Variants in MRTFB observed in about 807,000 individuals in gnomAD.
MRTFB encodes myocardin related transcription factor B.
In MRTFB, 29 loss-of-function variants were observed where a neutral mutation model predicts 104.2. The ratio of observed to expected loss-of-function variants is 0.28; its 90% CI spans 0.21 to 0.38. The LOEUF (loss-of-function observed/expected upper bound fraction) is 0.38, where lower values mean the gene tolerates loss of function less well. Ranked by LOEUF, MRTFB falls within the 10% of genes least tolerant of loss-of-function variation. MRTFB has a pLI of 1.00. For synonymous variants in MRTFB, 535 were observed against 519.5 expected (o/e 1.03, Z -0.41); for missense variants, 1,270 against 1,341.6 (o/e 0.95, Z 0.83).
chr16:14,035,969 C>T, the MRTFB span, among the ~76,000 whole-genome samples: 3 of 151,014 alleles, frequency 2.0e-5, no homozygotes, highest in Non-Finnish European at 2.9e-5. Context: ...TGAGTGAGAA[C>T]ATGCAATGTT....
At chr16:14,145,709 A>C in intron 3 of MRTFB, among the ~76,000 whole-genome samples, 1 of 152,256 alleles carries the variant, frequency 6.6e-6, no homozygotes, top group East Asian at 1.9e-4. Context: ...ACCTTTACTA[A>C]AACAATGCAT....
chr16:14,091,300 C>A (rs2035051188), intron 2 of MRTFB, among the ~76,000 whole-genome samples: 1 of 152,116 alleles, frequency 6.6e-6, no homozygotes, highest in Non-Finnish European at 1.5e-5. Context: ...CTCAAACTAT[C>A]TTAAGTTAAA....
intron 3 of MRTFB, among the ~76,000 whole-genome samples, chr16:14,148,177 G>A (rs1597075120): frequency 2.6e-5 from 4 of 152,262 alleles, no homozygotes; most frequent in Non-Finnish European, 5.9e-5. Context: ...AGTTAAATAA[G>A]TATGACTCAG....
chr16:14,079,586 T>C (rs1320940856), intron 2 of MRTFB, among the ~76,000 whole-genome samples: 2 of 152,190 alleles, frequency 1.3e-5, no homozygotes, highest in Non-Finnish European at 2.9e-5. Context: ...TGTTTTCTGA[T>C]GGTTTTAAAG....
chr16:14,072,927 A>G (rs547970142), intron 1 of MRTFB, among the ~76,000 whole-genome samples: 2 of 152,352 alleles, frequency 1.3e-5, no homozygotes, highest in Non-Finnish European at 2.9e-5. Flanking sequence ...TGGCTTCCTA[A>G]CAATTACCAT....
upstream of MRTFB, among the ~76,000 whole-genome samples, chr16:14,068,648 G>A (rs77868333): frequency 0.031 from 4,727 of 152,172 alleles, 233 homozygotes; most frequent in African/African-American, 0.098. Context: ...TATGTTCCTG[G>A]TTTTCTCATC....
At chr16:14,074,114 ATTAG>A (rs989504699) in intron 1 of MRTFB, among the ~76,000 whole-genome samples, 7 of 151,998 alleles carry the variant, frequency 4.6e-5, no homozygotes, top group African/African-American at 1.7e-4. Flanking sequence ...GGTGTTTATT[ATTAG>A]TTGCGTGTTA....
intron 3 of MRTFB, among the ~76,000 whole-genome samples, chr16:14,174,290 G>C (rs187909692): frequency 2.0e-5 from 3 of 152,236 alleles, no homozygotes; most frequent in Admixed American, 2.0e-4. Context: ...CATTGTATCT[G>C]TTGTCCTTTT....
chr16:13,994,887 T>A, the MRTFB span, among the ~76,000 whole-genome samples: 1 of 152,218 alleles, frequency 6.6e-6, no homozygotes, highest in Admixed American at 6.5e-5. Context: ...TCCTTCTGGT[T>A]CTGGAAGGGA....
chr16:14,216,676 G>T (rs899410331), intron 6 of MRTFB, among the ~76,000 whole-genome samples: 3 of 151,700 alleles, frequency 2.0e-5, no homozygotes, highest in Non-Finnish European at 4.4e-5. Flanking sequence ...TCTTCCCATT[G>T]ACCTCTGCAG....
the MRTFB span, among the ~76,000 whole-genome samples, chr16:14,016,399 T>C: frequency 9.2e-5 from 14 of 151,452 alleles, no homozygotes; most frequent in Non-Finnish European, 2.9e-5. Context: ...CCCACTCAAT[T>C]CTCCAAGGCA....
At chr16:14,232,478 C>T (rs185412999) in intron 8 of MRTFB, among the ~76,000 whole-genome samples, 1 of 152,348 alleles carries the variant, frequency 6.6e-6, no homozygotes, top group African/African-American at 2.4e-5. Context: ...TCTGCTGGAA[C>T]ACAGGTGTCC....
At chr16:14,120,816 G>T (rs2036808649) in intron 2 of MRTFB, among the ~76,000 whole-genome samples, 1 of 152,140 alleles carries the variant, frequency 6.6e-6, no homozygotes, top group Non-Finnish European at 1.5e-5. Flanking sequence ...ACTTGATTTT[G>T]TGGAGGGCTT....
chr16:14,180,847 G>C (rs990174496), intron 3 of MRTFB, among the ~76,000 whole-genome samples: 1 of 152,170 alleles, frequency 6.6e-6, no homozygotes. Context: ...GTTCCAGGGT[G>C]GGGGACAACA....
At chr16:14,234,969 G>T (rs1296015696) in intron 9 of MRTFB, among the ~76,000 whole-genome samples, 1 of 152,128 alleles carries the variant, frequency 6.6e-6, no homozygotes, top group Non-Finnish European at 1.5e-5. Flanking sequence ...GGTGAATATA[G>T]ATCTCAAACT....
chr16:14,214,705 G>A (rs936250818), intron 6 of MRTFB, among the ~76,000 whole-genome samples: 1 of 152,172 alleles, frequency 6.6e-6, no homozygotes, highest in African/African-American at 2.4e-5. Flanking sequence ...TACAGATTGT[G>A]AGAAGAGCTC....
In MRTFB at chr16:14,249,067, C is replaced by T; in HGVS notation, c.2389C>T (p.Gln797Ter). 6.2e-7 allele frequency: 1 copy of T among 1,613,934 alleles called. No individual in the cohort carries two copies. The highest frequency in any genetic ancestry group is 8.5e-7 in the Non-Finnish European group (1 of 1,179,946). Residue 797 changes from glutamine to a stop codon, truncating the protein, a stop_gained, in exon 13 of 17, where the codon CAA becomes TAA. Coordinates refer to ENST00000571589, the MANE Select transcript of MRTFB (RefSeq NM_001308142.2). LOFTEE classifies it high-confidence loss of function. ...TFPQHVLSQP[Q>*]QVRKVFTNSA... ...CCCGCAGCATGTGCTCAGTCAGCCT[C>T]AACAAGTCAGAAAGGTTTGTAAATG...
chr16:14,111,402 G>A (rs989076564), intron 2 of MRTFB, among the ~76,000 whole-genome samples: 1 of 152,206 alleles, frequency 6.6e-6, no homozygotes, highest in Non-Finnish European at 1.5e-5. Flanking sequence ...TGATGAGGGG[G>A]TGGTGCTGGG....
chr16:14,239,877 T>A (rs2042685062), intron 9 of MRTFB, among the ~76,000 whole-genome samples: 1 of 152,248 alleles, frequency 6.6e-6, no homozygotes, highest in African/African-American at 2.4e-5. Flanking sequence ...TACTTAACCT[T>A]TTCCCATTGT....
Sources: allele counts gnomAD v4.1 joint callset (sites outside exome capture counted in the v4.1 genomes callset), GRCh38; gene constraint gnomAD v4.1.1; transcripts MANE v1.5; gene names NCBI Gene and HGNC (gene_info 2026-07-23, HGNC 2026-07-21).